MYRIP: variants seen among roughly 807,000 people sequenced by gnomAD.
MYRIP encodes myosin VIIA and Rab interacting protein, also known as rab effector MyRIP.
MYRIP carries 49 observed loss-of-function variants against 98.0 expected under a neutral mutation model. The ratio of observed to expected loss-of-function variants is 0.50; its 90% CI spans 0.40 to 0.63. MYRIP has a LOEUF of 0.63. MYRIP is among the 30% of genes least tolerant of loss of function. The pLI is 0.00. For missense variants in MYRIP, 1,004 were observed against 1,058.2 expected, an observed-to-expected ratio of 0.95 and a Z score of 0.71; for synonymous variants, 404 against 409.5, an observed-to-expected ratio of 0.99 and a Z score of 0.16.
intron 1 of MYRIP, among the ~76,000 whole-genome samples, chr3:39,826,739 A>G (rs1941278204): frequency 6.6e-6 from 1 of 152,184 alleles, no homozygotes; most frequent in South Asian, 2.1e-4. Flanking sequence ...TGGGGAGCTG[A>G]CATCCTCAAT....
At chr3:39,973,761 C>G (rs1323102405) in intron 2 of MYRIP, among the ~76,000 whole-genome samples, 1 of 152,194 alleles carries the variant, frequency 6.6e-6, no homozygotes, top group African/African-American at 2.4e-5. Context: ...CAAAACCGCC[C>G]AACTACATGG....
intron 11 of MYRIP, among the ~76,000 whole-genome samples, chr3:40,219,596 G>T (rs1289715890): frequency 1.3e-5 from 2 of 151,182 alleles, no homozygotes; most frequent in South Asian, 4.2e-4. Context: ...TTGGTTTTTT[G>T]TCCTTGCGAT....
At chr3:40,244,673 A>G (rs550229856) in intron 13 of MYRIP, 66 bp downstream of exon 13, 28 of 1,496,980 alleles carry the variant, frequency 1.9e-5, no homozygotes, top group Non-Finnish European at 2.3e-5. Flanking sequence ...ATGTTCTACA[A>G]GAATCACTTT....
Position 40,067,094 on chromosome 3 carries a change from T to A in MYRIP, c.332+22823T>A, listed in dbSNP as rs376390737. Among the ~76,000 whole-genome samples, 11 of 152,258 alleles carry A rather than the reference T, an allele frequency of 7.2e-5. No individual in the cohort carries two copies. The East Asian group carries it at 1.9e-3, about 27-fold the overall frequency. ...ACCTATAATGACTTTTCAGAAAAAA[T>A]TTCCTATAACTAGGCCATAAATAAG... On this transcript the variant is annotated intron_variant, in intron 3 of 16. Transcript: ENST00000302541.
At chr3:39,809,159 C>T (rs1167476667), upstream of MYRIP, among the ~76,000 whole-genome samples, 1 of 152,256 alleles carries the variant, frequency 6.6e-6, no homozygotes, top group Non-Finnish European at 1.5e-5. Flanking sequence ...TTCAGGCAGG[C>T]CCCGGATTCT....
intron 2 of MYRIP, among the ~76,000 whole-genome samples, chr3:39,923,231 T>C (rs1944343343): frequency 6.6e-6 from 1 of 151,922 alleles, no homozygotes; most frequent in African/African-American, 2.4e-5. Context: ...TAAATTTATA[T>C]TATTAGAGTT....
intron 3 of MYRIP, among the ~76,000 whole-genome samples, chr3:40,101,037 C>G (rs1447989676): frequency 3.9e-5 from 6 of 152,194 alleles, no homozygotes; most frequent in Admixed American, 2.6e-4. Context: ...TCCTTACACA[C>G]CACTTTCAAC....
chr3:40,118,944 G>A (rs1200655935), intron 3 of MYRIP, among the ~76,000 whole-genome samples: 1 of 151,786 alleles, frequency 6.6e-6, no homozygotes, highest in African/African-American at 2.4e-5. Flanking sequence ...ATTCCATGGT[G>A]TATATGTGCC....
At chr3:40,163,626 A>G (rs1950442800) in intron 5 of MYRIP, among the ~76,000 whole-genome samples, 2 of 152,288 alleles carry the variant, frequency 1.3e-5, no homozygotes, top group African/African-American at 2.4e-5. Context: ...ACCTGCCCTC[A>G]GACATCAGAG....
At chr3:40,011,679 T>A (rs925822922) in intron 2 of MYRIP, among the ~76,000 whole-genome samples, 1 of 152,204 alleles carries the variant, frequency 6.6e-6, no homozygotes, top group Non-Finnish European at 1.5e-5. Flanking sequence ...CTCTCTTTTT[T>A]TTGGTTTAAT....
At chr3:40,169,434 C>A (rs566623140) in intron 7 of MYRIP, among the ~76,000 whole-genome samples, 5 of 152,182 alleles carry the variant, frequency 3.3e-5, no homozygotes, top group African/African-American at 1.2e-4. Flanking sequence ...ACTGTGCAAA[C>A]GAGCTGGATT....
chr3:40,039,330 A>G (rs1296487746), intron 2 of MYRIP, among the ~76,000 whole-genome samples: 1 of 152,160 alleles, frequency 6.6e-6, no homozygotes, highest in African/African-American at 2.4e-5. Context: ...ATCATGCCTT[A>G]AAAAGTCTTG....
chr3:40,025,565 T>A (rs1947106240), intron 2 of MYRIP, among the ~76,000 whole-genome samples: 1 of 152,326 alleles, frequency 6.6e-6, no homozygotes, highest in East Asian at 1.9e-4. Flanking sequence ...TAAGAAGTAT[T>A]CCATGAGGTA....
chr3:40,113,727 T>C (rs144958229), intron 3 of MYRIP, among the ~76,000 whole-genome samples: 1 of 152,306 alleles, frequency 6.6e-6, no homozygotes, highest in African/African-American at 2.4e-5. Flanking sequence ...TCTCGCTCTT[T>C]CGCCCAGGCC....
At chr3:40,068,181 G>T (rs566283060) in intron 3 of MYRIP, among the ~76,000 whole-genome samples, 2 of 152,186 alleles carry the variant, frequency 1.3e-5, no homozygotes, top group Non-Finnish European at 2.9e-5. Context: ...TTGGTTCAAA[G>T]AATGTATATA....
At chr3:39,826,354 G>A (rs922121159) in intron 1 of MYRIP, among the ~76,000 whole-genome samples, 5 of 151,886 alleles carry the variant, frequency 3.3e-5, no homozygotes, top group African/African-American at 9.7e-5. Flanking sequence ...GTTTTGATAC[G>A]TTGTGTTTCT....
intron 2 of MYRIP, among the ~76,000 whole-genome samples, chr3:39,914,409 A>G (rs984179352): frequency 6.6e-6 from 1 of 152,140 alleles, no homozygotes. Context: ...GTTAAAAGCC[A>G]TATTATTACC....
At chr3:40,077,183 C>G (rs906629376) in intron 3 of MYRIP, among the ~76,000 whole-genome samples, 1 of 152,120 alleles carries the variant, frequency 6.6e-6, no homozygotes, top group African/African-American at 2.4e-5. Context: ...GTGAGTGTTA[C>G]AGCTCATAAA....
chr3:40,106,078 G>A (rs985091038), intron 3 of MYRIP, among the ~76,000 whole-genome samples: 1 of 151,988 alleles, frequency 6.6e-6, no homozygotes, highest in Non-Finnish European at 1.5e-5. Flanking sequence ...AACTGAACAG[G>A]AGATTTGGGT....
Sources: allele counts gnomAD v4.1 joint callset (sites outside exome capture counted in the v4.1 genomes callset), GRCh38; gene constraint gnomAD v4.1.1; transcripts MANE v1.5; gene names NCBI Gene and HGNC (gene_info 2026-07-23, HGNC 2026-07-21).